The following L1CAM variants were observed in gnomAD, a reference collection of about 807,000 sequenced individuals.
The protein encoded by L1CAM is neural cell adhesion molecule L1.
In L1CAM, 8 loss-of-function variants were observed where a neutral mutation model predicts 93.0. The observed-to-expected ratio is 0.09, with a 90% confidence interval of 0.05 to 0.16. The LOEUF (loss-of-function observed/expected upper bound fraction) is 0.16, where lower values mean the gene tolerates loss of function less well. L1CAM is among the 10% of genes least tolerant of loss of function. L1CAM has a pLI of 1.00. For missense variants in L1CAM, 777 were observed against 1,073.4 expected, an observed-to-expected ratio of 0.72 and a Z score of 3.86; for synonymous variants, 453 against 453.0, an observed-to-expected ratio of 1.00 and a Z score of 0.00.
intron 2 of L1CAM, among the ~76,000 whole-genome samples, chrX:153,875,095 C>G (rs1336404715): frequency 9.0e-6 from 1 of 111,646 alleles, no homozygotes; most frequent in African/African-American, 3.3e-5. Flanking sequence ...AATCACAACC[C>G]TACGGCCACA....
Position 153,870,793 on chromosome X carries a change from C to A in L1CAM, c.691G>T (p.Ala231Ser). The A allele has an allele frequency of 1.7e-6, 2 of 1,210,028 alleles. No homozygotes were observed. The highest frequency in any genetic ancestry group is 2.2e-6 in the Non-Finnish European group (2 of 894,173). ...QKEPIDLRVK[A>S]TNSMIDRKPR... ...GTGCAGAGCCTCTGAGACTCACTGG[C>A]CTTGACCCGGAGGTCAATGGGTTCC... Residue 231 changes from alanine to serine, a missense_variant, in exon 7 of 29, where the codon GCC becomes TCC. By Grantham distance (99) the Ala-to-Ser change is moderately conservative. Transcript: ENST00000370060.
At chrX:153,876,335 G>C (rs1557094586) in intron 1 of L1CAM, 86 of 229,082 alleles carry the variant, frequency 3.8e-4, no homozygotes, top group Non-Finnish European at 4.0e-5. Flanking sequence ...AGCAGGGAGT[G>C]AGCTGTATGT....
rs782579083 is a variant in L1CAM at position 153,884,152 on chromosome X, A to G, written c.-109+1913T>C. 1.0e-5 allele frequency: 9 copies of G among 883,670 alleles called. No homozygotes were observed. The Admixed American group carries it at 2.7e-4, about 27-fold the overall frequency. 72.8% of individuals were successfully genotyped at this position (883,670 alleles called of 1,213,427 possible). A position where few individuals can be genotyped will look rare whatever the true frequency, so the allele number is the denominator to read the frequency against. On this transcript the variant is annotated intron_variant, in intron 1 of 28. Coordinates refer to ENST00000370060, the MANE Select transcript of L1CAM (RefSeq NM_001278116.2). ...AGTGACACCCCACGAAGACAGGGAC[A>G]ATGCTGGTCCAGTTTGTCACTGGCT...
At chrX:153,864,251 G>A in intron 25 of L1CAM, 71 bp downstream of exon 25, 17 of 1,130,264 alleles carry the variant, frequency 1.5e-5, no homozygotes, top group Non-Finnish European at 2.1e-5. Flanking sequence ...GCCATTCAGG[G>A]GACAGAAGGA....
At chrX:153,863,717 C>T in intron 26 of L1CAM, 166 bp downstream of exon 26, 1 of 874,666 alleles carries the variant, frequency 1.1e-6, no homozygotes, top group Non-Finnish European at 1.6e-6. Flanking sequence ...TTGCCTGTTG[C>T]CCCAACCCCG....
At chrX:153,879,258 A>G (rs2064831054) in intron 1 of L1CAM, among the ~76,000 whole-genome samples, 1 of 111,490 alleles carries the variant, frequency 9.0e-6, no homozygotes, top group East Asian at 2.8e-4. Flanking sequence ...GTAGGAAGAC[A>G]GCGCTAACCA....
intron 1 of L1CAM, among the ~76,000 whole-genome samples, chrX:153,876,656 A>G (rs1333032995): frequency 1.8e-5 from 2 of 112,543 alleles, no homozygotes; most frequent in African/African-American, 6.5e-5. Context: ...AAAGGGGCCC[A>G]AGATGGCAGC....
intron 28 of L1CAM, 24 bp downstream of exon 28, chrX:153,863,344 C>T: frequency 8.3e-7 from 1 of 1,206,878 alleles, no homozygotes; most frequent in African/African-American, 1.7e-5. Context: ...TGCTGTTGGC[C>T]CCTCCCCACC....
intron 1 of L1CAM, chrX:153,880,739 G>A (rs2064840469): frequency 3.1e-6 from 1 of 327,056 alleles, no homozygotes; most frequent in African/African-American, 2.7e-5. Flanking sequence ...CCAGAGGAAA[G>A]CCTTGTTATG....
intron 1 of L1CAM, among the ~76,000 whole-genome samples, chrX:153,883,116 G>T (rs1239952249): frequency 8.9e-6 from 1 of 112,000 alleles, no homozygotes; most frequent in Non-Finnish European, 1.9e-5. Context: ...AAGGCGTAGA[G>T]TCCAGCAGAA....
chrX:153,869,650 G>A lies in L1CAM; in HGVS notation c.1137C>T (p.Asp379=). Residue 379 remains aspartate (D), a synonymous_variant, in exon 11 of 29, where the codon GAC becomes GAT. Coordinates refer to ENST00000370060, the MANE Select transcript of L1CAM (RefSeq NM_001278116.2). ...CGCCACGCTGAATCCGGTACTTCTG[G>A]TCTTTGGCCAGCTCTGTGCATGCAG... is the stretch of plus-strand genomic sequence containing the variant. The part of the protein sequence containing the change: ...NGIPVEELAK[D]QKYRIQRGAL... 8.3e-7 allele frequency: 1 copy of A among 1,208,127 alleles called. No individual in the cohort carries two copies. Among genetic ancestry groups the A allele is most frequent in the Non-Finnish European group, 1.1e-6 (1 of 893,797 alleles).
rs192481307 is a variant in L1CAM at position 153,871,012 on chromosome X, C to G, written c.523+45G>C. On this transcript the variant is annotated intron_variant, in intron 6 of 28. Coordinates refer to ENST00000370060, the MANE Select transcript of L1CAM (RefSeq NM_001278116.2). ...ATGACCCCGTCCAGGAAGACACCCC[C>G]GCTAACACCCCGACCCCACGAGGCA... 29 of 1,208,880 alleles carry G rather than the reference C, an allele frequency of 2.4e-5. No homozygotes were observed. The African/African-American group carries it at 2.8e-4, about 12-fold the overall frequency.
chrX:153,862,902 G>A lies in L1CAM; in HGVS notation c.3543-8C>T. 1 of 1,195,509 alleles carries A rather than the reference G, an allele frequency of 8.4e-7. No individual in the cohort carries two copies. Among genetic ancestry groups the A allele is most frequent in the Non-Finnish European group, 1.1e-6 (1 of 882,842 alleles). ...GCCTTCTCCTCGTTGTCACTGCAGA[G>A]GCACAGGGCAGGTGCGAGTGAGAGC... is the stretch of plus-strand genomic sequence containing the variant. On this transcript the variant is annotated splice_polypyrimidine_tract_variant and splice_region_variant and intron_variant, in intron 28 of 28. Coordinates refer to ENST00000370060, the MANE Select transcript of L1CAM (RefSeq NM_001278116.2).
chrX:153,880,751 G>A (rs2064840589), intron 1 of L1CAM: 3 of 317,174 alleles, frequency 9.5e-6, no homozygotes, highest in Non-Finnish European at 1.9e-5. Flanking sequence ...CTTGTTATGT[G>A]TTATGTAGAC....
intron 5 of L1CAM, 111 bp from the exon 6 acceptor site, chrX:153,871,290 G>T (rs1037084789): frequency 5.7e-5 from 40 of 705,852 alleles, no homozygotes; most frequent in Non-Finnish European, 8.0e-5. Flanking sequence ...GGACGAGGGG[G>T]CGAGAGGGTC....
intron 1 of L1CAM, chrX:153,884,239 C>G (rs1175142768): frequency 9.9e-7 from 1 of 1,009,871 alleles, no homozygotes; most frequent in Admixed American, 2.6e-5. Flanking sequence ...CTGCCCAGTA[C>G]ACGACTGCCC....
At chrX:153,863,428 AAGGCC>A (rs782280856) in intron 27 of L1CAM, 44 bp downstream of exon 27, 1 of 1,207,878 alleles carries the variant, frequency 8.3e-7, no homozygotes, top group Non-Finnish European at 1.1e-6. Context: ...GTGAGATGTG[AAGGCC>A]AGGGTGGAGC....
chrX:153,871,732 G>A (rs1557093189), intron 5 of L1CAM, among the ~76,000 whole-genome samples: 1 of 111,068 alleles, frequency 9.0e-6, no homozygotes, highest in South Asian at 3.8e-4. Flanking sequence ...GAGGTGGAGG[G>A]GAGGAGATGG....
Position 153,871,084 on chromosome X carries a change from G to C in L1CAM, c.496C>G (p.Pro166Ala), listed in dbSNP as rs2064765468. The C allele has an allele frequency of 4.1e-6, 5 of 1,208,835 alleles. No homozygotes were observed. Among genetic ancestry groups the C allele is most frequent in the Non-Finnish European group, 5.6e-6 (5 of 894,934 alleles). ...LPCNPPPSAE[P>A]LRIYWMNSKI... The stretch of plus-strand genomic sequence containing the variant: ...CTGTTCATCCAGTAGATCCGGAGAG[G>C]CTCTGCACTTGGGGGAGGGTTGCAA... The change falls in exon 6 of 29, where the codon CCT becomes GCT. Residue 166 changes from proline to alanine, a missense_variant. Pro to Ala is a conservative substitution (Grantham distance 27). Coordinates refer to ENST00000370060, the MANE Select transcript of L1CAM (RefSeq NM_001278116.2).
Sources: gnomAD v4.1 joint callset for allele counts (sites outside exome capture counted in the v4.1 genomes callset) on GRCh38, gnomAD v4.1.1 for gene constraint, MANE v1.5 for transcripts, NCBI Gene and HGNC (gene_info 2026-07-23, HGNC 2026-07-21) for gene names.